The following GOLGA4 variants were observed in gnomAD, a reference collection of about 807,000 sequenced individuals.
GOLGA4 encodes the protein golgin subfamily A member 4.
In GOLGA4, 169 loss-of-function variants were observed where a neutral mutation model predicts 265.9. The observed-to-expected ratio is 0.64, with a 90% CI of 0.56 to 0.72. The LOEUF is 0.72. Ranked by LOEUF, GOLGA4 falls within the 30% of genes least tolerant of loss-of-function variation. The pLI is 0.00. For synonymous variants in GOLGA4, 923 were observed against 855.8 expected (o/e 1.08, Z -1.37); for missense variants, 2,482 against 2,483.4 (o/e 1.00, Z 0.01).
rs769750228 is a variant in GOLGA4 at position 37,329,110 on chromosome 3, TTCTC to T, written c.6192+22_6192+25del. ...ATCCTTGATGTTTGTACCTTATTTC[TTCTC>T]TCTCACTTTTGAAATTTAGCTGTAA... On this transcript the variant is annotated intron_variant, in intron 16 of 23. Coordinates refer to ENST00000361924, the MANE Select transcript of GOLGA4 (RefSeq NM_002078.5). The T allele has an allele frequency of 1.3e-6, 2 of 1,571,692 alleles. No individual in the cohort carries two copies. Among genetic ancestry groups the T allele is most frequent in the Non-Finnish European group, 1.7e-6 (2 of 1,160,604 alleles).
At chr3:37,276,684 T>G in intron 2 of GOLGA4, 2 of 1,256,430 alleles carry the variant, frequency 1.6e-6, no homozygotes, top group Admixed American at 4.0e-5. Context: ...CTAGTTTTCC[T>G]GCAAATCAAA....
rs150823757 is a variant in GOLGA4, at chr3:37,335,057, G to T, written c.6197G>T (p.Arg2066Leu). 6.4e-7 allele frequency: 1 copy of T among 1,557,242 alleles called. No individual in the cohort carries two copies. The highest frequency in any genetic ancestry group is 1.8e-5 in the Admixed American group (1 of 56,010). Residue 2066 changes from arginine (R) to leucine (L), a missense_variant, in exon 17 of 24, where the codon CGT (arginine) becomes CTT (leucine). Physicochemically the swap from Arg to Leu is moderately radical, Grantham distance 102 (BLOSUM62 -2). Transcript: ENST00000361924. ...AKRYEEILDA[R>L]EEEMTAKVRD... ...CTTTTTTTTTAAATCCTAAAGGCTCGTGAAGAAGAAATGACTGCAAAAGTA... is the reference window on the plus strand; with the variant it reads ...CTTTTTTTTTAAATCCTAAAGGCTCTTGAAGAAGAAATGACTGCAAAAGTA...
At position 37,325,570 on chromosome 3, in the gene GOLGA4, A is replaced by G. The variant is rs2096967760; in HGVS notation, c.3684A>G (p.Leu1228=). ...DICCKKTEAL[L]EAKTNELINI... is the part of the protein sequence containing the mutation. ...GCTGTAAGAAAACCGAAGCCTTATT[A>G]GAAGCTAAAACAAATGAGCTAATCA... The change falls in exon 14 of 24, where the codon TTA becomes TTG. Residue 1228 remains leucine (L), a synonymous_variant. Transcript: ENST00000361924. 1 of 1,613,178 alleles carries G rather than the reference A, an allele frequency of 6.2e-7. No individual in the cohort carries two copies. Among genetic ancestry groups the G allele is most frequent in the African/African-American group, 1.3e-5 (1 of 74,890 alleles).
At chr3:37,307,154 GTTAC>G (rs756163974) in intron 10 of GOLGA4, among the ~76,000 whole-genome samples, 65 of 152,206 alleles carry the variant, frequency 4.3e-4, no homozygotes, top group Non-Finnish European at 7.5e-4. Context: ...CTTTGCTGAA[GTTAC>G]TTGTTTTATA....
chr3:37,342,085 G>C (rs143059305), intron 20 of GOLGA4, among the ~76,000 whole-genome samples: 156 of 152,270 alleles, frequency 1.0e-3, no homozygotes, highest in African/African-American at 3.5e-3. Context: ...GCTCATGCCT[G>C]TAATCCCAGC....
chr3:37,275,483 A>C (rs894878067), intron 2 of GOLGA4, among the ~76,000 whole-genome samples: 7 of 152,190 alleles, frequency 4.6e-5, no homozygotes, highest in East Asian at 3.9e-4. Flanking sequence ...GGGAGGCATC[A>C]GTCTAAACAG....
intron 10 of GOLGA4, among the ~76,000 whole-genome samples, chr3:37,304,940 A>G (rs2096902156): frequency 6.6e-6 from 1 of 152,176 alleles, no homozygotes; most frequent in African/African-American, 2.4e-5. Flanking sequence ...AATAAATACT[A>G]AAAGAATTAA....
intron 3 of GOLGA4, 23 bp downstream of exon 3, chr3:37,282,295 T>G (rs887292586): frequency 1.9e-6 from 3 of 1,581,206 alleles, no homozygotes; most frequent in Non-Finnish European, 2.6e-6. Context: ...CCTTTTTGCC[T>G]GTACAAAAAT....
chr3:37,326,053 A>T lies in GOLGA4; in HGVS notation c.4167A>T (p.Leu1389=), dbSNP rs762921278. 1 of 1,613,414 alleles carries T rather than the reference A, an allele frequency of 6.2e-7. No individual in the cohort carries two copies. The highest frequency in any genetic ancestry group is 8.5e-7 in the Non-Finnish European group (1 of 1,179,446). Residue 1389 remains leucine, a synonymous_variant, in exon 14 of 24, where the codon CTA becomes CTT. Transcript: ENST00000361924. ...LNVQLQNSIS[L]SEKEAAISSL... ...TTCAGCTTCAAAATAGCATCAGCCT[A>T]TCCGAAAAAGAAGCAGCCATTTCAT...
Position 37,257,930 on chromosome 3 carries a change from T to C in GOLGA4, c.162+6446T>C, listed in dbSNP as rs1208724217. 8.8e-5 allele frequency among the ~76,000 whole-genome samples: 10 copies of C among 114,138 alleles called. 1 individual carries two copies. The highest frequency in any genetic ancestry group is 3.8e-4 in the African/African-American group (9 of 23,934). 74.9% of individuals were successfully genotyped at this position (114,138 alleles called of 152,430 possible). ...ATATATATATGTATGTATATATGTA[T>C]ATATACATACATATATATGTATGTA... On this transcript the variant is annotated intron_variant, in intron 2 of 23. Transcript: ENST00000361924.
Position 37,308,033 on chromosome 3 carries a change from A to G in GOLGA4, c.1234+5701A>G, listed in dbSNP as rs1308229533. Among the ~76,000 whole-genome samples the G allele has an allele frequency of 3.3e-5, 5 of 152,314 alleles. No homozygotes were observed. In the East Asian group the frequency reaches 7.7e-4, roughly 24 times the overall value. ...TGGATTACCTGAGGTCAGGAGTTCAAGACCAGCCTGGCCAACATGGTAAAC... is the reference window on the plus strand; with the variant it reads ...TGGATTACCTGAGGTCAGGAGTTCAGGACCAGCCTGGCCAACATGGTAAAC... On this transcript the variant is annotated intron_variant, in intron 10 of 23. Transcript: ENST00000361924.
chr3:37,243,414 C>T lies in GOLGA4; in HGVS notation c.-137C>T, dbSNP rs2096708100. On this transcript the variant is annotated 5_prime_UTR_variant, in exon 1 of 24. Coordinates refer to ENST00000361924, the MANE Select transcript of GOLGA4 (RefSeq NM_002078.5). ...GACGAGTGTCCGGACTTGCCCACAG[C>T]CTCAAGGAGGAGACGGCGAGGCCCG... is the stretch of plus-strand genomic sequence containing the variant. 1 of 738,638 alleles carries T rather than the reference C, an allele frequency of 1.4e-6. No individual in the cohort carries two copies. Among genetic ancestry groups the T allele is most frequent in the Non-Finnish European group, 2.4e-6 (1 of 416,864 alleles). 45.8% of individuals were successfully genotyped at this position (738,638 alleles called of 1,614,324 possible).
intron 20 of GOLGA4, among the ~76,000 whole-genome samples, chr3:37,345,432 A>G (rs1327188662): frequency 6.6e-6 from 1 of 152,204 alleles, no homozygotes; most frequent in Non-Finnish European, 1.5e-5. Flanking sequence ...TCAGTTATAC[A>G]CTTTGGAATT....
In GOLGA4 at chr3:37,295,955, T is replaced by C. The variant is rs2096877068; in HGVS notation, c.682-132T>C. 4 of 708,398 alleles carry C rather than the reference T, an allele frequency of 5.6e-6. No individual in the cohort carries two copies. The South Asian group carries it at 6.9e-5, about 12-fold the overall frequency. The allele number at this position is 708,398 out of a possible 1,614,324, so 43.9% of individuals were successfully genotyped here. On this transcript the variant is annotated intron_variant, in intron 6 of 23. Coordinates refer to ENST00000361924, the MANE Select transcript of GOLGA4 (RefSeq NM_002078.5). ...GCAAATACTACACCATTTTATATAA[T>C]GGACTTGAGCTCCTGCGGATTTTGG...
intron 11 of GOLGA4, among the ~76,000 whole-genome samples, chr3:37,317,766 C>T (rs2096942018): frequency 1.3e-5 from 2 of 152,222 alleles, no homozygotes; most frequent in South Asian, 4.2e-4. Context: ...ATCCTTGACT[C>T]ACTTTTCTAT....
At chr3:37,349,735 G>A (rs1233556733) in intron 21 of GOLGA4, among the ~76,000 whole-genome samples, 1 of 152,140 alleles carries the variant, frequency 6.6e-6, no homozygotes, top group East Asian at 1.9e-4. Context: ...ATGGAGACCA[G>A]GTTGCGGTTT....
At chr3:37,355,008 A>G (rs2097086551) in intron 21 of GOLGA4, 93 bp from the exon 22 acceptor site, 7 of 748,450 alleles carry the variant, frequency 9.4e-6, no homozygotes, top group Non-Finnish European at 9.6e-6. Flanking sequence ...CATTGAGAGC[A>G]CTAAAGAATC....
intron 2 of GOLGA4, among the ~76,000 whole-genome samples, chr3:37,272,885 C>G (rs912228360): frequency 6.6e-6 from 1 of 151,972 alleles, no homozygotes; most frequent in African/African-American, 2.4e-5. Flanking sequence ...TTTTGAACCT[C>G]AAAGAATCTC....
intron 11 of GOLGA4, among the ~76,000 whole-genome samples, chr3:37,316,501 T>C (rs1034801177): frequency 2.0e-5 from 3 of 152,158 alleles, no homozygotes; most frequent in Non-Finnish European, 4.4e-5. Flanking sequence ...TATAGGTAAT[T>C]TGCAAAGCAG....
Sources: gnomAD v4.1 joint callset for allele counts (sites outside exome capture counted in the v4.1 genomes callset) on GRCh38, gnomAD v4.1.1 for gene constraint, MANE v1.5 for transcripts, NCBI Gene and HGNC (gene_info 2026-07-23, HGNC 2026-07-21) for gene names.